Variants in CFAP299 observed in about 807,000 individuals in gnomAD.
The protein encoded by CFAP299 is cilia- and flagella-associated protein 299.
In CFAP299, 21 loss-of-function variants were observed where a neutral mutation model predicts 27.0. The observed-to-expected ratio is 0.78, with a 90% CI of 0.55 to 1.12. The LOEUF is 1.12. Among genes scored for constraint, CFAP299 ranks in the 50% most tolerant of loss-of-function variants. CFAP299 has a pLI of 0.00. For synonymous variants in CFAP299, 104 were observed against 98.1 expected, an observed-to-expected ratio of 1.06 and a Z score of -0.36; for missense variants, 310 against 276.6, an observed-to-expected ratio of 1.12 and a Z score of -0.86.
intron 3 of CFAP299, among the ~76,000 whole-genome samples, chr4:80,734,892 G>A (rs1723765442): frequency 6.6e-6 from 1 of 151,936 alleles, no homozygotes; most frequent in South Asian, 2.1e-4. Context: ...GCCAGATAAT[G>A]TGACTTTGTT....
intron 4 of CFAP299, among the ~76,000 whole-genome samples, chr4:80,908,213 G>A (rs186447310): frequency 6.6e-6 from 1 of 152,278 alleles, no homozygotes; most frequent in Non-Finnish European, 1.5e-5. Flanking sequence ...ATGCACTGTG[G>A]TGTTGGAGTT....
At chr4:80,957,894 G>C (rs1163214685) in intron 5 of CFAP299, among the ~76,000 whole-genome samples, 1 of 152,048 alleles carries the variant, frequency 6.6e-6, no homozygotes. Flanking sequence ...TTGCCTTACT[G>C]TTTATATAGG....
intron 3 of CFAP299, among the ~76,000 whole-genome samples, chr4:80,669,309 G>A (rs1052040360): frequency 6.6e-6 from 1 of 151,180 alleles, no homozygotes; most frequent in African/African-American, 2.4e-5. Context: ...CATGTGCCGT[G>A]CCTGGCTAAT....
intron 3 of CFAP299, among the ~76,000 whole-genome samples, chr4:80,734,926 C>T (rs1399710464): frequency 1.3e-5 from 2 of 152,040 alleles, no homozygotes; most frequent in East Asian, 3.9e-4. Context: ...ATAGCTTTGG[C>T]TATTCTGGGT....
chr4:80,799,946 A>G (rs1455053928), intron 3 of CFAP299, among the ~76,000 whole-genome samples: 1 of 47,002 alleles, frequency 2.1e-5, no homozygotes, highest in African/African-American at 9.2e-5. Flanking sequence ...TATATTATAT[A>G]AATATTATAT....
intron 2 of CFAP299, among the ~76,000 whole-genome samples, chr4:80,531,526 A>G (rs1733463532): frequency 6.6e-6 from 1 of 152,146 alleles, no homozygotes; most frequent in South Asian, 2.1e-4. Flanking sequence ...CTAAATTTCC[A>G]TCTTTTATTA....
At chr4:80,956,240 G>T (rs1036175492) in intron 5 of CFAP299, among the ~76,000 whole-genome samples, 4 of 152,128 alleles carry the variant, frequency 2.6e-5, no homozygotes, top group Admixed American at 2.6e-4. Context: ...TTGCTTTGCA[G>T]TTAGACCATG....
At chr4:80,719,619 T>A (rs1453167003) in intron 3 of CFAP299, among the ~76,000 whole-genome samples, 3 of 152,240 alleles carry the variant, frequency 2.0e-5, no homozygotes, top group Admixed American at 2.0e-4. Context: ...ATAAACTGCA[T>A]GCTCTTTGTA....
intron 3 of CFAP299, among the ~76,000 whole-genome samples, chr4:80,868,046 A>G (rs1732847272): frequency 1.3e-5 from 2 of 152,140 alleles, no homozygotes. Context: ...CAAATTCTAA[A>G]ATTGATCAAT....
At chr4:80,941,377 C>T (rs1737186779) in intron 4 of CFAP299, among the ~76,000 whole-genome samples, 1 of 152,118 alleles carries the variant, frequency 6.6e-6, no homozygotes, top group South Asian at 2.1e-4. Context: ...TGTGCCAGAC[C>T]ACTGTTTCCC....
intron 3 of CFAP299, among the ~76,000 whole-genome samples, chr4:80,680,344 C>T (rs1048974824): frequency 1.3e-5 from 2 of 152,092 alleles, no homozygotes; most frequent in Non-Finnish European, 1.5e-5. Context: ...ATACTTCTAG[C>T]GTAAATCTCA....
intron 3 of CFAP299, among the ~76,000 whole-genome samples, chr4:80,750,728 A>G (rs1300098449): frequency 6.6e-6 from 1 of 152,220 alleles, no homozygotes; most frequent in East Asian, 1.9e-4. Context: ...CAGATAAAAA[A>G]TGTGCTTTGG....
At chr4:80,435,031 A>G (rs190854115) in intron 2 of CFAP299, among the ~76,000 whole-genome samples, 4 of 152,328 alleles carry the variant, frequency 2.6e-5, no homozygotes, top group Non-Finnish European at 4.4e-5. Flanking sequence ...GTGGAAAGGA[A>G]TACAGTTCTG....
Position 80,591,974 on chromosome 4 carries a change from A to C in CFAP299, c.333+8791A>C, listed in dbSNP as rs895523224. On this transcript the variant is annotated intron_variant, in intron 3 of 5. Coordinates refer to ENST00000358105, the MANE Select transcript of CFAP299 (RefSeq NM_152770.3). ...ATTTTTACTAATTCCATCCAGAAGA[A>C]ACTTTCAAAAACATTGGTAAACTGG... Among the ~76,000 whole-genome samples the C allele has an allele frequency of 4.6e-5, 7 of 152,236 alleles. No individual in the cohort carries two copies. The South Asian group carries it at 1.4e-3, about 31-fold the overall frequency.
chr4:80,481,621 G>A lies in CFAP299; in HGVS notation c.243-101472G>A, dbSNP rs143407147. Among the ~76,000 whole-genome samples the A allele has an allele frequency of 6.6e-3, 998 of 152,056 alleles. 25 individuals are homozygous for A. The highest frequency in any genetic ancestry group is 0.023 in the African/African-American group (960 of 41,524). On this transcript the variant is annotated intron_variant, in intron 2 of 5. Transcript: ENST00000358105. ...AACTGGAAGGGAGCTTACAGACCTC[G>A]TCTTTATTTCCTTATTTTACAGATT... is the stretch of plus-strand genomic sequence containing the variant.
At chr4:80,385,069 A>G (rs1724899640) in intron 2 of CFAP299, among the ~76,000 whole-genome samples, 2 of 152,214 alleles carry the variant, frequency 1.3e-5, no homozygotes, top group South Asian at 4.1e-4. Flanking sequence ...CATATCCATC[A>G]TCTCACATCC....
chr4:80,509,943 A>G (rs1214798068), intron 2 of CFAP299, among the ~76,000 whole-genome samples: 1 of 151,698 alleles, frequency 6.6e-6, no homozygotes. Flanking sequence ...CACTGTTCAC[A>G]GATTCTTCAC....
intron 4 of CFAP299, among the ~76,000 whole-genome samples, chr4:80,897,356 G>C (rs1473945766): frequency 6.6e-6 from 1 of 152,152 alleles, no homozygotes; most frequent in African/African-American, 2.4e-5. Flanking sequence ...GGAATGGTTA[G>C]CTTCTCTTGG....
chr4:80,920,088 G>A (rs539264192), intron 4 of CFAP299, among the ~76,000 whole-genome samples: 207 of 152,174 alleles, frequency 1.4e-3, no homozygotes, highest in African/African-American at 4.7e-3. Context: ...TCCCATTGAA[G>A]TTTTGTCTAC....
Sources: allele counts gnomAD v4.1 joint callset (sites outside exome capture counted in the v4.1 genomes callset), GRCh38; gene constraint gnomAD v4.1.1; transcripts MANE v1.5; gene names NCBI Gene and HGNC (gene_info 2026-07-23, HGNC 2026-07-21).